Variants in TENM4 observed in about 807,000 individuals in gnomAD.
The protein encoded by TENM4 is teneurin-4.
In TENM4, 82 loss-of-function variants were observed where a neutral mutation model predicts 243.3. That is an observed-to-expected ratio of 0.34 (90% CI 0.28 to 0.40). The LOEUF is 0.40. TENM4 is among the 10% of genes least tolerant of loss of function. TENM4 has a pLI of 1.00. For missense variants in TENM4, 3,138 were observed against 3,673.3 expected (o/e 0.85, Z 3.77); for synonymous variants, 1,412 against 1,456.3 (o/e 0.97, Z 0.69).
At chr11:79,245,746 C>A (rs939669946) in intron 2 of TENM4, among the ~76,000 whole-genome samples, 3 of 151,938 alleles carry the variant, frequency 2.0e-5, no homozygotes, top group Non-Finnish European at 4.4e-5. Flanking sequence ...TCGAGACCAG[C>A]CTGGCCAACA....
intron 33 of TENM4, among the ~76,000 whole-genome samples, chr11:78,660,566 G>C (rs1451793571): frequency 1.3e-5 from 2 of 152,284 alleles, no homozygotes; most frequent in Middle Eastern, 3.4e-3. Context: ...TCTGGAGTAA[G>C]AAATATGGAT....
Position 78,658,726 on chromosome 11 carries a change from T to C in TENM4, c.7642A>G (p.Thr2548Ala), listed in dbSNP as rs1428521849. 6.2e-7 allele frequency: 1 copy of C among 1,614,000 alleles called. No individual in the cohort carries two copies. The highest frequency in any genetic ancestry group is 1.1e-5 in the South Asian group (1 of 91,082). ...RFDQLYGSTITSCQQAPKTKK... is the reference protein window; with the variant it reads ...RFDQLYGSTIASCQQAPKTKK... ...GTCTTTGGAGCCTGCTGGCAGCTGGTGATTGTGGAGCCATAGAGCTGGTCA... is the reference window on the plus strand; with the variant it reads ...GTCTTTGGAGCCTGCTGGCAGCTGGCGATTGTGGAGCCATAGAGCTGGTCA... Residue 2548 changes from threonine to alanine, a missense_variant, in exon 34 of 34, where the codon ACC becomes GCC. By Grantham distance (58) the Thr-to-Ala change is moderately conservative. Coordinates refer to ENST00000278550, the MANE Select transcript of TENM4 (RefSeq NM_001098816.3).
At chr11:79,379,300 T>A (rs1037782181) in intron 1 of TENM4, among the ~76,000 whole-genome samples, 1 of 152,140 alleles carries the variant, frequency 6.6e-6, no homozygotes, top group Non-Finnish European at 1.5e-5. Flanking sequence ...GCCTGAGTTG[T>A]TTAAGTTTTA....
chr11:79,079,171 G>T (rs1433580121), intron 4 of TENM4, among the ~76,000 whole-genome samples: 2 of 152,184 alleles, frequency 1.3e-5, no homozygotes, highest in Non-Finnish European at 2.9e-5. Context: ...TGCCCAGCCT[G>T]GCTACAGGGA....
chr11:79,128,202 A>C (rs1861922423), intron 4 of TENM4, among the ~76,000 whole-genome samples: 1 of 152,204 alleles, frequency 6.6e-6, no homozygotes, highest in Non-Finnish European at 1.5e-5. Flanking sequence ...CTAGGATTTT[A>C]GAGCAAAGCC....
chr11:79,129,727 A>C (rs1373091514), intron 4 of TENM4, among the ~76,000 whole-genome samples: 4 of 152,086 alleles, frequency 2.6e-5, no homozygotes, highest in Non-Finnish European at 4.4e-5. Context: ...CAGCCACAGC[A>C]AGACCCACCC....
intron 7 of TENM4, 149 bp downstream of exon 7, chr11:78,903,119 G>C (rs1855968505): frequency 1.7e-6 from 2 of 1,174,424 alleles, no homozygotes; most frequent in African/African-American, 1.6e-5. Flanking sequence ...CTGGCAGTCA[G>C]GGAACCGCAT....
At chr11:79,217,603 C>T (rs930508555) in intron 2 of TENM4, among the ~76,000 whole-genome samples, 1 of 152,106 alleles carries the variant, frequency 6.6e-6, no homozygotes, top group African/African-American at 2.4e-5. Flanking sequence ...TTCTTTATGG[C>T]AAATTATTTT....
At chr11:79,159,328 G>A (rs189505404) in intron 3 of TENM4, among the ~76,000 whole-genome samples, 1 of 152,174 alleles carries the variant, frequency 6.6e-6, no homozygotes, top group Admixed American at 6.5e-5. Context: ...TTGGCATGTA[G>A]TATCTGATTT....
At chr11:79,204,508 A>G (rs1440963378) in intron 3 of TENM4, among the ~76,000 whole-genome samples, 1 of 152,202 alleles carries the variant, frequency 6.6e-6, no homozygotes, top group Non-Finnish European at 1.5e-5. Flanking sequence ...ACCATGCTTC[A>G]TGGTAGAAGA....
At chr11:79,373,130 T>TGTATCTGATACAACA (rs1454265474) in intron 1 of TENM4, among the ~76,000 whole-genome samples, 5 of 152,264 alleles carry the variant, frequency 3.3e-5, no homozygotes, top group Admixed American at 6.5e-5. Context: ...TTTTCACTGC[T>TGTATCTGATACAACA]GTATCTGATA....
intron 6 of TENM4, among the ~76,000 whole-genome samples, chr11:79,005,426 T>C (rs1858456538): frequency 1.3e-5 from 2 of 152,186 alleles, no homozygotes; most frequent in Non-Finnish European, 2.9e-5. Flanking sequence ...GGCTTATCCC[T>C]GGAATGCAAG....
intron 1 of TENM4, among the ~76,000 whole-genome samples, chr11:79,363,540 C>A (rs1857626347): frequency 6.6e-6 from 1 of 152,224 alleles, no homozygotes; most frequent in African/African-American, 2.4e-5. Flanking sequence ...ACTCATGTTT[C>A]CTCATCTGAT....
At chr11:79,062,514 C>T (rs1431983610) in intron 6 of TENM4, among the ~76,000 whole-genome samples, 1 of 152,150 alleles carries the variant, frequency 6.6e-6, no homozygotes, top group African/African-American at 2.4e-5. Flanking sequence ...TATCCATTAG[C>T]ATGCACATTA....
chr11:78,773,490 A>T (rs149158389), intron 17 of TENM4, among the ~76,000 whole-genome samples: 1 of 152,138 alleles, frequency 6.6e-6, no homozygotes, highest in Admixed American at 6.6e-5. Flanking sequence ...ATATAATATC[A>T]TATGTTGTAC....
intron 9 of TENM4, 139 bp from the exon 10 acceptor site, chr11:78,863,271 T>A: frequency 1.0e-6 from 1 of 976,248 alleles, no homozygotes; most frequent in Non-Finnish European, 1.4e-6. Context: ...AAGGAAGCTC[T>A]TGTAGTGCCA....
intron 6 of TENM4, among the ~76,000 whole-genome samples, chr11:79,038,070 G>A (rs1267893922): frequency 6.6e-6 from 1 of 152,182 alleles, no homozygotes; most frequent in East Asian, 1.9e-4. Context: ...CAAAGTCAAA[G>A]CTGGACAAAG....
intron 4 of TENM4, among the ~76,000 whole-genome samples, chr11:79,110,759 A>C (rs1165737723): frequency 3.3e-5 from 5 of 152,136 alleles, no homozygotes; most frequent in African/African-American, 7.2e-5. Flanking sequence ...TGCTTTGGAA[A>C]GGGGGACACT....
At chr11:79,366,295 A>G (rs1857676173) in intron 1 of TENM4, among the ~76,000 whole-genome samples, 1 of 152,168 alleles carries the variant, frequency 6.6e-6, no homozygotes, top group South Asian at 2.1e-4. Context: ...CACCTTCTTG[A>G]GGAAGACCCA....
Sources: gnomAD v4.1 joint callset for allele counts (sites outside exome capture counted in the v4.1 genomes callset) on GRCh38, gnomAD v4.1.1 for gene constraint, MANE v1.5 for transcripts, NCBI Gene and HGNC (gene_info 2026-07-23, HGNC 2026-07-21) for gene names.